Variants in NBAS observed in about 807,000 individuals in gnomAD.
NBAS encodes NBAS subunit of NRZ tethering complex.
A neutral mutation model predicts 302.5 loss-of-function variants in NBAS; 219 were observed. The ratio of observed to expected loss-of-function variants is 0.72; its 90% CI spans 0.65 to 0.81. The LOEUF (loss-of-function observed/expected upper bound fraction) is 0.81. Among genes scored for constraint, NBAS ranks in the 30% least tolerant of loss-of-function variants. The pLI is 0.00. For missense variants in NBAS, 2,932 were observed against 2,841.6 expected (o/e 1.03, Z -0.72); for synonymous variants, 1,118 against 1,021.6 (o/e 1.09, Z -1.80).
the NBAS span, among the ~76,000 whole-genome samples, chr2:14,859,533 C>A: frequency 6.6e-6 from 1 of 152,014 alleles, no homozygotes; most frequent in Admixed American, 6.5e-5. Flanking sequence ...CAGATTCACA[C>A]ATTTACAGAC....
chr2:15,483,134 T>C (rs1023128968), intron 12 of NBAS: 4 of 154,050 alleles, frequency 2.6e-5, no homozygotes, highest in African/African-American at 9.6e-5. Context: ...AATCCCTGCC[T>C]CCAACAACAT....
chr2:15,413,849 T>C (rs1226921397), intron 25 of NBAS, among the ~76,000 whole-genome samples: 3 of 152,204 alleles, frequency 2.0e-5, no homozygotes, highest in Non-Finnish European at 2.9e-5. Flanking sequence ...ACAACATCAC[T>C]GTTCTCTGTT....
At chr2:15,520,972 G>A (rs754068065) in intron 9 of NBAS, among the ~76,000 whole-genome samples, 4 of 152,186 alleles carry the variant, frequency 2.6e-5, no homozygotes, top group Non-Finnish European at 4.4e-5. Context: ...GTAGGATTCA[G>A]CATATATAAG....
intron 51 of NBAS, among the ~76,000 whole-genome samples, chr2:15,173,237 C>G (rs1474088710): frequency 6.6e-6 from 1 of 152,100 alleles, no homozygotes; most frequent in East Asian, 1.9e-4. Context: ...TGCTGTCTTC[C>G]AAGCCATTAA....
At chr2:14,961,209 A>C in the NBAS span, among the ~76,000 whole-genome samples, 1 of 152,154 alleles carries the variant, frequency 6.6e-6, no homozygotes, top group Admixed American at 6.5e-5. Flanking sequence ...GAGAAATGGG[A>C]GTGAGAAGGA....
chr2:15,448,406 A>T (rs750432659), intron 21 of NBAS, among the ~76,000 whole-genome samples: 2 of 152,334 alleles, frequency 1.3e-5, no homozygotes, highest in Middle Eastern at 3.4e-3. Flanking sequence ...TTACTTAATC[A>T]TAAGTACCTC....
the NBAS span, among the ~76,000 whole-genome samples, chr2:14,800,785 G>GTTTTTTTTTTTTTTTTTTTTTTTTTTTT: frequency 7.7e-6 from 1 of 129,526 alleles, no homozygotes; most frequent in Admixed American, 7.4e-5. Context: ...GATTTAAATT[G>GTTTTTTTTTTTTTTTTTTTTTTTTTTTT]TTTTTGTTTT....
intron 9 of NBAS, among the ~76,000 whole-genome samples, chr2:15,521,057 A>C (rs1484643568): frequency 6.6e-6 from 1 of 152,234 alleles, no homozygotes; most frequent in Non-Finnish European, 1.5e-5. Flanking sequence ...AAGTCAATTC[A>C]ATGTCAATTC....
chr2:14,842,041 G>A, the NBAS span, among the ~76,000 whole-genome samples: 1 of 151,750 alleles, frequency 6.6e-6, no homozygotes, highest in Admixed American at 6.6e-5. Context: ...AGCAACCTCA[G>A]AAACTTTAGT....
chr2:15,470,915 C>G (rs760895061), intron 16 of NBAS, among the ~76,000 whole-genome samples: 1 of 151,978 alleles, frequency 6.6e-6, no homozygotes, highest in African/African-American at 2.4e-5. Context: ...GAGCCGAGAT[C>G]GCACCATTGC....
intron 6 of NBAS, among the ~76,000 whole-genome samples, chr2:15,541,266 A>G (rs1037116684): frequency 6.6e-6 from 1 of 152,178 alleles, no homozygotes; most frequent in East Asian, 1.9e-4. Context: ...CTTATTCAAC[A>G]TTCTATTCCC....
At chr2:15,204,334 CA>C (rs1205912158) in intron 48 of NBAS, among the ~76,000 whole-genome samples, 1 of 151,992 alleles carries the variant, frequency 6.6e-6, no homozygotes, top group Non-Finnish European at 1.5e-5. Flanking sequence ...AAAGAGCTCT[CA>C]AAAATATTGT....
chr2:15,084,640 A>G, the NBAS span, among the ~76,000 whole-genome samples: 3 of 149,958 alleles, frequency 2.0e-5, no homozygotes, highest in African/African-American at 7.6e-5. Context: ...CCACTTCTGG[A>G]GGCAGGAAAA....
chr2:15,077,634 A>T, the NBAS span, among the ~76,000 whole-genome samples: 1 of 152,116 alleles, frequency 6.6e-6, no homozygotes, highest in Non-Finnish European at 1.5e-5. Context: ...GGATTCATTT[A>T]GGATGGGAAG....
intron 43 of NBAS, 151 bp downstream of exon 43, chr2:15,276,700 T>C (rs1558496140): frequency 8.6e-7 from 1 of 1,167,876 alleles, no homozygotes; most frequent in Non-Finnish European, 1.2e-6. Flanking sequence ...AGTGAAAGAG[T>C]TGGAAAGATA....
intron 40 of NBAS, among the ~76,000 whole-genome samples, chr2:15,305,256 C>T (rs192995967): frequency 2.0e-3 from 306 of 152,094 alleles, no homozygotes; most frequent in African/African-American, 6.8e-3. Context: ...CTCATGAGAT[C>T]TGATGGTTTT....
intron 25 of NBAS, among the ~76,000 whole-genome samples, chr2:15,407,094 T>G (rs1676450713): frequency 6.6e-6 from 1 of 152,222 alleles, no homozygotes; most frequent in Admixed American, 6.5e-5. Flanking sequence ...ATTGAAGCAC[T>G]GCTTGTAATT....
At chr2:15,281,891 T>A (rs1452577658) in intron 42 of NBAS, among the ~76,000 whole-genome samples, 1 of 152,208 alleles carries the variant, frequency 6.6e-6, no homozygotes, top group Non-Finnish European at 1.5e-5. Flanking sequence ...TACAGATATA[T>A]GGAAGGAATC....
the NBAS span, among the ~76,000 whole-genome samples, chr2:14,888,568 G>A: frequency 6.6e-6 from 1 of 151,698 alleles, no homozygotes; most frequent in African/African-American, 2.4e-5. Flanking sequence ...GGTTTAAGTT[G>A]AAGAAAATAA....
Sources: allele counts gnomAD v4.1 joint callset (sites outside exome capture counted in the v4.1 genomes callset), GRCh38; gene constraint gnomAD v4.1.1; transcripts MANE v1.5; gene names NCBI Gene and HGNC (gene_info 2026-07-23, HGNC 2026-07-21).